Variants in TET3 observed in about 807,000 individuals in gnomAD.
TET3 encodes the protein methylcytosine dioxygenase TET3.
Under a neutral mutation model 141.4 loss-of-function variants are expected in TET3, and 19 were observed. The observed-to-expected ratio is 0.13, with a 90% CI of 0.09 to 0.20. The LOEUF (loss-of-function observed/expected upper bound fraction) is 0.20. Among genes scored for constraint, TET3 ranks in the 10% least tolerant of loss-of-function variants. TET3 has a pLI of 1.00. For missense variants in TET3, 1,874 were observed against 2,356.9 expected (o/e 0.80, Z 4.24); for synonymous variants, 1,043 against 980.9 (o/e 1.06, Z -1.18).
At chr2:74,028,441 T>G (rs1686499708) in intron 3 of TET3, among the ~76,000 whole-genome samples, 1 of 152,228 alleles carries the variant, frequency 6.6e-6, no homozygotes, top group African/African-American at 2.4e-5. Flanking sequence ...AGTTTTATAG[T>G]TTTAGTTCTT....
rs569640171 is a variant in TET3, at chr2:74,095,840, C to G, written c.3267+2174C>G. 2.0e-5 allele frequency among the ~76,000 whole-genome samples: 3 copies of G among 152,356 alleles called. No homozygotes were observed. In the East Asian group the frequency reaches 5.8e-4, roughly 29 times the overall value. ...CGTATTTGTGCAGTGGCGCAGTAAC[C>G]TGCTTGAGATTGCATTGATGTTTAC... On this transcript the variant is annotated intron_variant, in intron 10 of 11. Coordinates refer to ENST00000409262, the MANE Select transcript of TET3 (RefSeq NM_001287491.2).
chr2:74,011,959 G>A (rs927668968), intron 3 of TET3, among the ~76,000 whole-genome samples: 1 of 151,928 alleles, frequency 6.6e-6, no homozygotes, highest in African/African-American at 2.4e-5. Context: ...TTTTTTGTTT[G>A]TTTGTTTTTT....
chr2:74,076,127 T>A (rs1227822601), intron 5 of TET3, among the ~76,000 whole-genome samples: 1 of 152,218 alleles, frequency 6.6e-6, no homozygotes, highest in Non-Finnish European at 1.5e-5. Context: ...CAAGAGATCT[T>A]TGAAATTTGG....
In TET3 at chr2:74,052,099, C is replaced by T. The variant is rs140967395; in HGVS notation, c.2494+3688C>T. On this transcript the variant is annotated intron_variant, in intron 4 of 11. Coordinates refer to ENST00000409262, the MANE Select transcript of TET3 (RefSeq NM_001287491.2). The stretch of plus-strand genomic sequence containing the variant: ...GGTTCAAGCAGTTCTCATGCCTCGA[C>T]CTCCCGAGTAGCTGGGATTACAGGC... 8.1e-3 allele frequency among the ~76,000 whole-genome samples: 1,235 copies of T among 152,270 alleles called. 13 individuals are homozygous for T. Among genetic ancestry groups the T allele is most frequent in the Non-Finnish European group, 0.014 (952 of 68,004 alleles).
At chr2:73,990,440 G>A (rs1395885110) in intron 2 of TET3, among the ~76,000 whole-genome samples, 1 of 152,204 alleles carries the variant, frequency 6.6e-6, no homozygotes, top group Non-Finnish European at 1.5e-5. Flanking sequence ...GAGCCAGGCA[G>A]AGGGAGGGAG....
intron 5 of TET3, among the ~76,000 whole-genome samples, chr2:74,075,202 A>T (rs1488653250): frequency 6.6e-6 from 1 of 151,742 alleles, no homozygotes; most frequent in Non-Finnish European, 1.5e-5. Flanking sequence ...AGCTAAGATG[A>T]TGTAGACATA....
At chr2:73,990,079 A>G (rs144618311) in intron 2 of TET3, among the ~76,000 whole-genome samples, 136 of 151,982 alleles carry the variant, frequency 8.9e-4, no homozygotes, top group Non-Finnish European at 1.7e-3. Context: ...ACAACTGTGC[A>G]TTAGTCTTCG....
chr2:74,095,206 GATTTC>G lies in TET3; in HGVS notation c.3267+1546_3267+1550del, dbSNP rs540762854. 7.0e-4 allele frequency among the ~76,000 whole-genome samples: 107 copies of G among 152,280 alleles called. 1 individual carries two copies. Among genetic ancestry groups the G allele is most frequent in the African/African-American group, 2.4e-3 (101 of 41,552 alleles). Reference sequence around the variant, plus strand: ...CTGGGGATTGATGGACCCACCTCGGGATTTCATTTCTCCACTTGTTTTCTATCACT... The same window carrying G: ...CTGGGGATTGATGGACCCACCTCGGGATTTCTCCACTTGTTTTCTATCACT... On this transcript the variant is annotated intron_variant, in intron 10 of 11. Transcript: ENST00000409262.
intron 3 of TET3, among the ~76,000 whole-genome samples, chr2:74,015,328 T>C (rs1452233469): frequency 6.6e-6 from 1 of 152,228 alleles, no homozygotes; most frequent in African/African-American, 2.4e-5. Context: ...GAGAATAATG[T>C]ACGCCCATTT....
chr2:74,015,732 C>T (rs1209052330), intron 3 of TET3, among the ~76,000 whole-genome samples: 1 of 151,948 alleles, frequency 6.6e-6, no homozygotes, highest in East Asian at 1.9e-4. Context: ...TTGTATAGAA[C>T]AAAATCATAC....
chr2:74,003,888 G>A (rs978440317), intron 3 of TET3, among the ~76,000 whole-genome samples: 1 of 151,802 alleles, frequency 6.6e-6, no homozygotes, highest in Non-Finnish European at 1.5e-5. Flanking sequence ...ACAGGGGAGG[G>A]GAGAGTCCAG....
At chr2:74,113,546 C>T in the TET3 span, among the ~76,000 whole-genome samples, 9 of 151,740 alleles carry the variant, frequency 5.9e-5, no homozygotes, top group Non-Finnish European at 1.2e-4. Flanking sequence ...TATATAAAAA[C>T]CTAAAGACTC....
In TET3 at chr2:74,047,924, T is replaced by C; in HGVS notation, c.2007T>C (p.Pro669=). ...AACCTTCTCTTGCGCTATTTGCACC[T>C]AGTCCCTCCAGGGACAGCCTGCTGC... ...PPEPSLALFA[P]SPSRDSLLPP... The change falls in exon 4 of 12, where the codon CCT becomes CCC. Residue 669 remains proline, a synonymous_variant. Transcript: ENST00000409262. 6.2e-7 allele frequency: 1 copy of C among 1,613,658 alleles called. No homozygotes were observed. Among genetic ancestry groups the C allele is most frequent in the African/African-American group, 1.3e-5 (1 of 74,994 alleles).
chr2:74,026,765 T>G (rs73948290), intron 3 of TET3, among the ~76,000 whole-genome samples: 65 of 152,156 alleles, frequency 4.3e-4, no homozygotes, highest in African/African-American at 1.4e-3. Context: ...TTGAACCAAG[T>G]TCCATTTCCT....
At position 74,104,874 on chromosome 2, in the gene TET3, A is replaced by C. The variant is rs1691414690; in HGVS notation, c.*2698A>C. 6.9e-6 allele frequency: 2 copies of C among 291,756 alleles called. No individual in the cohort carries two copies. Among genetic ancestry groups the C allele is most frequent in the Non-Finnish European group, 1.3e-5 (2 of 159,974 alleles). The allele number at this position is 291,756 out of a possible 1,614,324, so 18.1% of individuals were successfully genotyped here. On this transcript the variant is annotated 3_prime_UTR_variant, in exon 12 of 12. Transcript: ENST00000409262. Reference sequence around the variant, plus strand: ...TGAGTCAAGAGGCAGTCTCCATTGGATGTCCCCACTCCCCGCAGAATGGCG... The same window carrying C: ...TGAGTCAAGAGGCAGTCTCCATTGGCTGTCCCCACTCCCCGCAGAATGGCG...
chr2:74,086,956 C>A (rs893340764), intron 6 of TET3, among the ~76,000 whole-genome samples: 2 of 152,034 alleles, frequency 1.3e-5, no homozygotes. Flanking sequence ...AACTCTGCAC[C>A]CATTAACAAT....
In TET3 at chr2:74,099,318, A is replaced by G. The variant is rs1691027766; in HGVS notation, c.3310A>G (p.Ile1104Val). ...TKEDNRCVGK[I>V]PEDEQLHVLP... ...GGAAGACAATCGCTGCGTGGGCAAG[A>G]TTCCCGAGGATGAGCAGCTGCATGT... The change falls in exon 11 of 12, where the codon ATT (isoleucine) becomes GTT (valine). Residue 1104 changes from isoleucine (I) to valine (V), a missense_variant. Coordinates refer to ENST00000409262, the MANE Select transcript of TET3 (RefSeq NM_001287491.2). 1 of 1,611,902 alleles carries G rather than the reference A, an allele frequency of 6.2e-7. No homozygotes were observed. Among genetic ancestry groups the G allele is most frequent in the Non-Finnish European group, 8.5e-7 (1 of 1,179,008 alleles).
downstream of TET3, among the ~76,000 whole-genome samples, chr2:74,112,885 C>T (rs1229665530): frequency 6.6e-6 from 1 of 151,658 alleles, no homozygotes; most frequent in African/African-American, 2.4e-5. Context: ...CCTGTAATCC[C>T]AGCTACTCGA....
In TET3 at chr2:74,102,137, C is replaced by T. The variant is rs535002442; in HGVS notation, c.5349C>T (p.Ala1783=). 6 of 1,478,756 alleles carry T rather than the reference C, an allele frequency of 4.1e-6. No homozygotes were observed. Among genetic ancestry groups the T allele is most frequent in the South Asian group, 1.4e-5 (1 of 69,510 alleles). 91.6% of individuals were successfully genotyped at this position (1,478,756 alleles called of 1,614,324 possible). The change falls in exon 12 of 12, where the codon GCC becomes GCT. Residue 1783 remains alanine, a synonymous_variant. Transcript: ENST00000409262. ...TDSAVTVSSY[A]YTKVTGPYSR... ...CGGCGGTCACCGTGTCCTCCTATGC[C>T]TACACGAAGGTCACTGGCCCCTACA...
Sources: allele counts gnomAD v4.1 joint callset (sites outside exome capture counted in the v4.1 genomes callset), GRCh38; gene constraint gnomAD v4.1.1; transcripts MANE v1.5; gene names NCBI Gene and HGNC (gene_info 2026-07-23, HGNC 2026-07-21).